Variants in NFIB observed in about 807,000 individuals in gnomAD.
NFIB encodes nuclear factor I B.
A neutral mutation model predicts 61.5 loss-of-function variants in NFIB; 11 were observed. The observed-to-expected ratio is 0.18, with a 90% CI of 0.11 to 0.30. The LOEUF (loss-of-function observed/expected upper bound fraction) is 0.30, where lower values mean the gene tolerates loss of function less well. NFIB is among the 10% of genes least tolerant of loss of function. The pLI, the probability that NFIB is intolerant of heterozygous loss-of-function variation, is 1.00. For missense variants in NFIB, 471 were observed against 608.9 expected (o/e 0.77, Z 2.38); for synonymous variants, 260 against 216.5 (o/e 1.20, Z -1.76).
At chr9:14,328,271 GTA>G (rs1357459254) in intron 1 of NFIB, among the ~76,000 whole-genome samples, 41 of 152,214 alleles carry the variant, frequency 2.7e-4, no homozygotes, top group African/African-American at 9.6e-4. Context: ...AGCCTCCTGA[GTA>G]GCTGCCACCA....
rs376451472 is a variant in NFIB at position 14,240,669 on chromosome 9, C to T, written c.563-60889G>A. Among the ~76,000 whole-genome samples the T allele has an allele frequency of 2.0e-5, 3 of 152,314 alleles. No individual in the cohort carries two copies. The East Asian group carries it at 5.8e-4, about 29-fold the overall frequency. On this transcript the variant is annotated intron_variant, in intron 2 of 10. Transcript: ENST00000380953. ...TAACAGCCCTATCTCGTTACAAACA[C>T]TTGGCAGCATGTCTAAAGTACCATG...
In NFIB at chr9:14,084,516, T is replaced by C. The variant is rs772335628; in HGVS notation, c.*3793A>G. 4.4e-6 allele frequency: 1 copy of C among 225,834 alleles called. No homozygotes were observed. Among genetic ancestry groups the C allele is most frequent in the East Asian group, 6.4e-5 (1 of 15,626 alleles). 14.0% of individuals were successfully genotyped at this position (225,834 alleles called of 1,614,324 possible). A position where few individuals can be genotyped will look rare whatever the true frequency, so the allele number is the denominator to read the frequency against. ...ATGTACAGTCTCCTTCACTGCCTTT[T>C]ATTTTTTTCCTTAGACAAGCCTCAA... On this transcript the variant is annotated 3_prime_UTR_variant, in exon 11 of 11. Transcript: ENST00000380953.
chr9:14,511,778 G>C, the NFIB span, among the ~76,000 whole-genome samples: 293 of 152,256 alleles, frequency 1.9e-3, 3 homozygotes, highest in African/African-American at 6.7e-3. Context: ...TTACCCCAAA[G>C]TCACACTGTC....
intron 6 of NFIB, among the ~76,000 whole-genome samples, chr9:14,138,375 G>C (rs1379716869): frequency 1.3e-5 from 2 of 152,072 alleles, no homozygotes; most frequent in East Asian, 3.9e-4. Context: ...CGAATAATCA[G>C]TGTAGGCTAA....
At chr9:14,231,130 AAAAAAATAT>A (rs1185486924) in intron 2 of NFIB, among the ~76,000 whole-genome samples, 22 of 94,350 alleles carry the variant, frequency 2.3e-4, no homozygotes, top group East Asian at 1.3e-3. Context: ...GAAAAAAAAA[AAAAAAATAT>A]ATATATATAT....
At chr9:14,115,237 GTC>G (rs2037947894) in intron 9 of NFIB, among the ~76,000 whole-genome samples, 1 of 151,442 alleles carries the variant, frequency 6.6e-6, no homozygotes, top group African/African-American at 2.4e-5. Context: ...GCCTCTGATT[GTC>G]TCTGATTCAC....
At chr9:14,176,522 G>A (rs1282541772) in intron 3 of NFIB, among the ~76,000 whole-genome samples, 1 of 151,742 alleles carries the variant, frequency 6.6e-6, no homozygotes, top group Non-Finnish European at 1.5e-5. Flanking sequence ...TACCATAAAG[G>A]CTACTTAAAA....
chr9:14,403,526 C>G (rs2061762439), upstream of NFIB, among the ~76,000 whole-genome samples: 1 of 152,042 alleles, frequency 6.6e-6, no homozygotes, highest in South Asian at 2.1e-4. Context: ...CTCCCCTCCC[C>G]TCCTCTCCCC....
chr9:14,214,439 G>A (rs948964907), intron 2 of NFIB, among the ~76,000 whole-genome samples: 3 of 152,192 alleles, frequency 2.0e-5, no homozygotes, highest in African/African-American at 7.2e-5. Flanking sequence ...GCAAATTATG[G>A]AACTGGATAC....
At position 14,259,318 on chromosome 9, in the gene NFIB, A is replaced by G. The variant is rs577111272; in HGVS notation, c.562+47671T>C. Among the ~76,000 whole-genome samples the G allele has an allele frequency of 7.2e-5, 11 of 152,372 alleles. No homozygotes were observed. In the South Asian group the frequency reaches 2.1e-3, roughly 29 times the overall value. On this transcript the variant is annotated intron_variant, in intron 2 of 10. Coordinates refer to ENST00000380953, the MANE Select transcript of NFIB (RefSeq NM_001190737.2). ...AATACAGATGTCTAGGAAAGAAATT[A>G]TACTCCAAAGAGCTACCTGTAAATT...
chr9:14,177,173 G>A (rs1396075362), intron 3 of NFIB, among the ~76,000 whole-genome samples: 1 of 152,084 alleles, frequency 6.6e-6, no homozygotes, highest in Non-Finnish European at 1.5e-5. Context: ...GCCTTCTCAA[G>A]ACACAAAATC....
At chr9:14,336,335 G>A (rs2060885580) in intron 1 of NFIB, among the ~76,000 whole-genome samples, 1 of 152,182 alleles carries the variant, frequency 6.6e-6, no homozygotes, top group Non-Finnish European at 1.5e-5. Context: ...GAAGGGAGTG[G>A]GATTGTGGTG....
At position 14,291,463 on chromosome 9, in the gene NFIB, C is replaced by A. The variant is rs1052699051; in HGVS notation, c.562+15526G>T. Among the ~76,000 whole-genome samples the A allele has an allele frequency of 7.9e-5, 12 of 152,130 alleles. No individual in the cohort carries two copies. The South Asian group carries it at 2.5e-3, about 32-fold the overall frequency. On this transcript the variant is annotated intron_variant, in intron 2 of 10. Transcript: ENST00000380953. ...TCACGCCACTGCACTCCAGTCTGGGCGACAGAGACTCTGTAAAAGAATTTC... is the reference window on the plus strand; with the variant it reads ...TCACGCCACTGCACTCCAGTCTGGGAGACAGAGACTCTGTAAAAGAATTTC...
chr9:14,254,532 A>G (rs57206687), intron 2 of NFIB, among the ~76,000 whole-genome samples: 2,041 of 152,278 alleles, frequency 0.013, 47 homozygotes, highest in African/African-American at 0.046. Context: ...TGTGCACTCA[A>G]TAATCGTTTG....
chr9:14,148,119 C>G (rs961875822), intron 5 of NFIB, among the ~76,000 whole-genome samples: 1 of 151,926 alleles, frequency 6.6e-6, no homozygotes, highest in African/African-American at 2.4e-5. Context: ...GAATTCTTTT[C>G]TTTTTTTGTT....
the NFIB span, among the ~76,000 whole-genome samples, chr9:14,464,628 G>A: frequency 6.6e-6 from 1 of 152,154 alleles, no homozygotes; most frequent in Non-Finnish European, 1.5e-5. Context: ...GAGAGCTTAG[G>A]AGGAAAGGAT....
chr9:14,259,548 C>A (rs1260783251), intron 2 of NFIB, among the ~76,000 whole-genome samples: 2 of 152,254 alleles, frequency 1.3e-5, no homozygotes, highest in African/African-American at 4.8e-5. Flanking sequence ...GGCTTAGACT[C>A]TGGAAAGACA....
intron 2 of NFIB, among the ~76,000 whole-genome samples, chr9:14,243,600 T>A (rs1194015374): frequency 8.3e-6 from 1 of 120,692 alleles, no homozygotes; most frequent in East Asian, 2.0e-4. Context: ...TTTACCTAAT[T>A]GGGTATTTTT....
At chr9:14,481,664 A>G in the NFIB span, among the ~76,000 whole-genome samples, 3 of 152,008 alleles carry the variant, frequency 2.0e-5, no homozygotes, top group African/African-American at 4.8e-5. Flanking sequence ...GTGTTTCCCC[A>G]TCTCCATGGC....
Sources: gnomAD v4.1 joint callset for allele counts (sites outside exome capture counted in the v4.1 genomes callset) on GRCh38, gnomAD v4.1.1 for gene constraint, MANE v1.5 for transcripts, NCBI Gene and HGNC (gene_info 2026-07-23, HGNC 2026-07-21) for gene names.